Variants in PLA2G4A observed in about 807,000 individuals in gnomAD.
PLA2G4A encodes the protein phospholipase A2 group IVA.
PLA2G4A carries 40 observed loss-of-function variants against 81.9 expected under a neutral mutation model. The ratio of observed to expected loss-of-function variants is 0.49; its 90% confidence interval spans 0.38 to 0.64. PLA2G4A has a LOEUF of 0.64. Among genes scored for constraint, PLA2G4A ranks in the 30% least tolerant of loss-of-function variants. The probability of loss-of-function intolerance (pLI) is 0.00; values close to 1 mark genes in which losing one functional copy is unlikely to be tolerated. For missense variants in PLA2G4A, 715 were observed against 905.1 expected (o/e 0.79, Z 2.69); for synonymous variants, 302 against 296.9 (o/e 1.02, Z -0.18).
chr1:186,846,896 T>C (rs1652194647), intron 1 of PLA2G4A, among the ~76,000 whole-genome samples: 2 of 152,092 alleles, frequency 1.3e-5, no homozygotes, highest in South Asian at 4.1e-4. Flanking sequence ...TAATTTATTA[T>C]AGTCCGCTTC....
intron 1 of PLA2G4A, among the ~76,000 whole-genome samples, chr1:186,844,577 C>T (rs1162945044): frequency 2.0e-5 from 3 of 152,064 alleles, no homozygotes; most frequent in Non-Finnish European, 4.4e-5. Context: ...TATTGTTATC[C>T]TTCAGGTATA....
At chr1:186,850,432 C>T (rs1652331849) in intron 1 of PLA2G4A, among the ~76,000 whole-genome samples, 1 of 152,122 alleles carries the variant, frequency 6.6e-6, no homozygotes, top group South Asian at 2.1e-4. Context: ...AGTGTTACTA[C>T]TTTTAGCAAC....
intron 3 of PLA2G4A, among the ~76,000 whole-genome samples, chr1:186,884,107 C>T (rs762261488): frequency 6.6e-6 from 1 of 151,552 alleles, no homozygotes; most frequent in Admixed American, 6.6e-5. Context: ...CCGAGAGAAG[C>T]GGTATTGAGA....
In PLA2G4A at chr1:186,977,731, C is replaced by T. The variant is rs1349892946; in HGVS notation, c.1903C>T (p.Pro635Ser). 4 of 1,613,628 alleles carry T rather than the reference C, an allele frequency of 2.5e-6. No homozygotes were observed. In the African/African-American group the frequency reaches 5.3e-5, roughly 22 times the overall value. The change falls in exon 16 of 18, where the codon CCA becomes TCA. Residue 635 changes from proline (P) to serine (S), a missense_variant. Physicochemically the swap from Pro to Ser is moderately conservative, Grantham distance 74. Transcript: ENST00000367466. ...GAATCCTGATATGGAGAAAGATTGC[C>T]CAACCATCATCCACTTTGTTCTGGC... Reference protein sequence around the residue: ...PKNPDMEKDCPTIIHFVLANI... With the variant: ...PKNPDMEKDCSTIIHFVLANI...
intron 17 of PLA2G4A, 45 bp downstream of exon 17, chr1:186,979,517 A>G (rs771010264): frequency 8.0e-7 from 1 of 1,250,664 alleles, no homozygotes; most frequent in Non-Finnish European, 1.2e-6. Context: ...TGACTTCCAT[A>G]CCGTATAAAT....
intron 2 of PLA2G4A, among the ~76,000 whole-genome samples, chr1:186,864,913 C>T (rs989068520): frequency 2.0e-5 from 3 of 150,700 alleles, no homozygotes; most frequent in African/African-American, 7.3e-5. Context: ...GCAAGCAAGG[C>T]AAAATCCCAT....
chr1:186,949,624 T>A (rs1656480605), intron 12 of PLA2G4A, among the ~76,000 whole-genome samples: 1 of 152,118 alleles, frequency 6.6e-6, no homozygotes, highest in South Asian at 2.1e-4. Flanking sequence ...TTATGTATAA[T>A]CATGCCAGTA....
chr1:186,924,270 T>C (rs1655466653), intron 7 of PLA2G4A, among the ~76,000 whole-genome samples: 1 of 152,194 alleles, frequency 6.6e-6, no homozygotes, highest in South Asian at 2.1e-4. Flanking sequence ...TCTGCTCTAT[T>C]TCTCTCCTTA....
chr1:186,926,579 G>T (rs1001078606), intron 7 of PLA2G4A, among the ~76,000 whole-genome samples: 6 of 152,144 alleles, frequency 3.9e-5, no homozygotes, highest in African/African-American at 1.4e-4. Flanking sequence ...CTGGCCAGTT[G>T]GCCTCCTTAA....
chr1:186,959,556 A>G (rs895458309), intron 14 of PLA2G4A, among the ~76,000 whole-genome samples: 2 of 152,176 alleles, frequency 1.3e-5, no homozygotes, highest in African/African-American at 4.8e-5. Context: ...TAAAAAATTT[A>G]GTTCAGTCAG....
Position 186,956,202 on chromosome 1 carries a change from C to T in PLA2G4A, c.1437C>T (p.Phe479=), listed in dbSNP as rs146620407. ...CCTTGGTGAGTGATTCAGCTTTATT[C>T]AATACCAGAGAAGGACGTGCTGGGA... ...IMALVSDSAL[F]NTREGRAGKV... is the part of the protein sequence containing the mutation. Residue 479 remains phenylalanine, a synonymous_variant, in exon 14 of 18, where the codon TTC becomes TTT. Transcript: ENST00000367466. The T allele has an allele frequency of 5.0e-6, 8 of 1,613,750 alleles. No homozygotes were observed. The East Asian group carries it at 1.8e-4, about 36-fold the overall frequency.
rs565656759 is a variant in PLA2G4A at position 186,848,868 on chromosome 1, A to C, written c.-69-5418A>C. ...TTAATATCAGGAGAGTCTCTATCCA[A>C]GTCTTGCTGTAAGATACAGTAGTGG... is the stretch of plus-strand genomic sequence containing the variant. On this transcript the variant is annotated intron_variant, in intron 1 of 17. Coordinates refer to ENST00000367466, the MANE Select transcript of PLA2G4A (RefSeq NM_024420.3). Among the ~76,000 whole-genome samples, 73 of 152,194 alleles carry C rather than the reference A, an allele frequency of 4.8e-4. 1 individual carries two copies. Among genetic ancestry groups the C allele is most frequent in the Non-Finnish European group, 1.0e-4 (7 of 67,980 alleles).
intron 2 of PLA2G4A, 79 bp downstream of exon 2, chr1:186,854,466 A>G: frequency 2.2e-6 from 2 of 903,820 alleles, no homozygotes; most frequent in South Asian, 2.6e-5. Flanking sequence ...TGTTGCTAGT[A>G]AAGTCAAACT....
intron 3 of PLA2G4A, among the ~76,000 whole-genome samples, chr1:186,876,441 T>C (rs1357474375): frequency 6.6e-6 from 1 of 152,148 alleles, no homozygotes; most frequent in Non-Finnish European, 1.5e-5. Flanking sequence ...ACATTAATTT[T>C]GATTGTGAGC....
intron 8 of PLA2G4A, among the ~76,000 whole-genome samples, chr1:186,937,730 TA>T (rs751166563): frequency 2.6e-5 from 2 of 75,610 alleles, no homozygotes; most frequent in Admixed American, 1.0e-4. Context: ...TATAATAGAC[TA>T]AAAAAAAAAT....
intron 13 of PLA2G4A, among the ~76,000 whole-genome samples, chr1:186,952,417 A>G (rs1434381824): frequency 1.3e-5 from 2 of 152,124 alleles, no homozygotes; most frequent in Admixed American, 1.3e-4. Context: ...TTTTTAGAGC[A>G]GTTTTAGGCT....
At chr1:186,967,239 C>G (rs1380331342) in intron 15 of PLA2G4A, among the ~76,000 whole-genome samples, 3 of 152,078 alleles carry the variant, frequency 2.0e-5, no homozygotes, top group African/African-American at 7.2e-5. Flanking sequence ...TGCTTTCATA[C>G]TTTATCTATT....
At chr1:186,950,616 G>T in intron 12 of PLA2G4A, 41 bp from the exon 13 acceptor site, 1 of 1,061,012 alleles carries the variant, frequency 9.4e-7, no homozygotes, top group South Asian at 1.3e-5. Flanking sequence ...TGTTAATTTT[G>T]ACACCTGAAA....
At chr1:186,856,213 C>T (rs1394836901) in intron 2 of PLA2G4A, among the ~76,000 whole-genome samples, 2 of 151,950 alleles carry the variant, frequency 1.3e-5, no homozygotes, top group Non-Finnish European at 2.9e-5. Context: ...CCATGAATCT[C>T]ATCCACAACT....
Sources: gnomAD v4.1 joint callset for allele counts (sites outside exome capture counted in the v4.1 genomes callset) on GRCh38, gnomAD v4.1.1 for gene constraint, MANE v1.5 for transcripts, NCBI Gene and HGNC (gene_info 2026-07-23, HGNC 2026-07-21) for gene names.